The following IGFBP5 variants were observed in gnomAD, a reference collection of about 807,000 sequenced individuals.
IGFBP5 encodes the protein insulin-like growth factor-binding protein 5.
IGFBP5 carries 12 observed loss-of-function variants against 28.0 expected under a neutral mutation model. That is an observed-to-expected ratio of 0.43 (90% CI 0.27 to 0.69). The LOEUF (loss-of-function observed/expected upper bound fraction) is 0.69. IGFBP5 is among the 30% of genes least tolerant of loss of function. IGFBP5 has a pLI of 0.20. For missense variants in IGFBP5, 344 were observed against 381.6 expected (o/e 0.90, Z 0.82); for synonymous variants, 152 against 150.2 (o/e 1.01, Z -0.09).
intron 1 of IGFBP5, among the ~76,000 whole-genome samples, chr2:216,686,412 A>C (rs2106222681): frequency 6.6e-6 from 1 of 152,258 alleles, no homozygotes; most frequent in African/African-American, 2.4e-5. Context: ...TAGCTCAGTA[A>C]ACCTTGATGC....
At chr2:216,678,607 G>A (rs1215597524) in intron 2 of IGFBP5, among the ~76,000 whole-genome samples, 7 of 152,154 alleles carry the variant, frequency 4.6e-5, no homozygotes, top group Admixed American at 1.3e-4. Flanking sequence ...GTACGTGGCC[G>A]CTGGGCTGGC....
At chr2:216,681,938 A>T (rs1688981878) in intron 1 of IGFBP5, among the ~76,000 whole-genome samples, 1 of 152,168 alleles carries the variant, frequency 6.6e-6, no homozygotes, top group Non-Finnish European at 1.5e-5. Context: ...ATTTATTTTG[A>T]CCTCTCTTAC....
Position 216,694,563 on chromosome 2 carries a change from G to C in IGFBP5, c.213C>G (p.Thr71=). Residue 71 remains threonine (T), a synonymous_variant, in exon 1 of 4, where the codon ACC becomes ACG. Coordinates refer to ENST00000233813, the MANE Select transcript of IGFBP5 (RefSeq NM_000599.4). The surrounding 1 kb of genome is among the most constrained non-coding windows in gnomAD (Gnocchi z 5.2). ...LAEGQSCGVY[T]ERCAQGLRCL... ...AGCGCAGCCCCTGGGCGCAGCGCTCGGTGTAGACGCCGCACGACTGCCCCT... is the reference window on the plus strand; with the variant it reads ...AGCGCAGCCCCTGGGCGCAGCGCTCCGTGTAGACGCCGCACGACTGCCCCT... 2 of 1,563,404 alleles carry C rather than the reference G, an allele frequency of 1.3e-6. No individual in the cohort carries two copies. Among genetic ancestry groups the C allele is most frequent in the Non-Finnish European group, 8.6e-7 (1 of 1,156,922 alleles).
intron 1 of IGFBP5, among the ~76,000 whole-genome samples, chr2:216,690,557 C>T (rs11575139): frequency 0.011 from 1,628 of 152,262 alleles, 24 homozygotes; most frequent in African/African-American, 0.037. Context: ...TGCTCCCATG[C>T]CCTTTGCTGT....
chr2:216,684,816 T>C (rs1689016734), intron 1 of IGFBP5, among the ~76,000 whole-genome samples: 1 of 152,230 alleles, frequency 6.6e-6, no homozygotes, highest in African/African-American at 2.4e-5. Context: ...AGCTGGGGCT[T>C]AGAGCCCAGT....
chr2:216,678,056 TGGCAGGTGCC>T, intron 3 of IGFBP5, 46 bp downstream of exon 3: 1 of 1,365,388 alleles, frequency 7.3e-7, no homozygotes, highest in Non-Finnish European at 9.6e-7. Flanking sequence ...TGGAGTTTCC[TGGCAGGTGCC>T]ATTTTTGGAG....
In IGFBP5 at chr2:216,692,820, A is replaced by G. The variant is rs994103102; in HGVS notation, c.337+1619T>C. ...GAGATCGACTACCTCTTGCAAAGCT[A>G]GAGGGGCTGGCCCCTGCGCCACTCA... On this transcript the variant is annotated intron_variant, in intron 1 of 3. Coordinates refer to ENST00000233813, the MANE Select transcript of IGFBP5 (RefSeq NM_000599.4). This position sits in a 1 kb window ranked among gnomAD's most constrained non-coding sequence, Gnocchi z 4.2. 6.6e-6 allele frequency among the ~76,000 whole-genome samples: 1 copy of G among 152,080 alleles called. No homozygotes were observed. Among genetic ancestry groups the G allele is most frequent in the African/African-American group, 2.4e-5 (1 of 41,420 alleles).
chr2:216,676,532 G>T lies in IGFBP5; in HGVS notation c.*219C>A, dbSNP rs6413497. The T allele has an allele frequency of 1.2e-5, 4 of 345,522 alleles. No individual in the cohort carries two copies. The highest frequency in any genetic ancestry group is 6.3e-5 in the East Asian group (1 of 15,760). The allele number at this position is 345,522 out of a possible 1,614,324, so 21.4% of individuals were successfully genotyped here. On this transcript the variant is annotated 3_prime_UTR_variant, in exon 4 of 4. Coordinates refer to ENST00000233813, the MANE Select transcript of IGFBP5 (RefSeq NM_000599.4). ...CCTCAAAAAGAAAACCATTTAAAGG[G>T]GGGGGGTGTCTTTTTAGCTTTTTGC...
Position 216,679,360 on chromosome 2 carries a change from G to C in IGFBP5, c.338-281C>G. On this transcript the variant is annotated intron_variant, in intron 1 of 3. Transcript: ENST00000233813. The surrounding 1 kb of genome is among the most constrained non-coding windows in gnomAD (Gnocchi z 4.6). ...AATCGAGAGACTGACAGACTGATGG[G>C]TGAGGACGGAGCAGGCCTTCTGGGG... The C allele has an allele frequency of 2.0e-6, 1 of 507,674 alleles. No homozygotes were observed. Among genetic ancestry groups the C allele is most frequent in the Non-Finnish European group, 3.6e-6 (1 of 276,576 alleles). The allele number at this position is 507,674 out of a possible 1,614,324, so 31.4% of individuals were successfully genotyped here.
Position 216,694,670 on chromosome 2 carries a change from A to G in IGFBP5, c.106T>C (p.Ser36Pro). ...CCCAGGGGGCTGGGGGGGCACATGG[A>G]GAGGGCTTTCTCGTCGCAGGGCTCG... ...HCEPCDEKAL[S>P]MCPPSPLGCE... Residue 36 changes from serine (S) to proline (P), a missense_variant, in exon 1 of 4, where the codon TCC becomes CCC. Transcript: ENST00000233813. The surrounding 1 kb of genome is among the most constrained non-coding windows in gnomAD (Gnocchi z 5.2). 6.6e-7 allele frequency: 1 copy of G among 1,526,552 alleles called. No homozygotes were observed. The highest frequency in any genetic ancestry group is 8.8e-7 in the Non-Finnish European group (1 of 1,140,500). The allele number at this position is 1,526,552 out of a possible 1,614,324, so 94.6% of individuals were successfully genotyped here.
Position 216,676,558 on chromosome 2 carries a change from A to G in IGFBP5, c.*193T>C. On this transcript the variant is annotated 3_prime_UTR_variant, in exon 4 of 4. Coordinates refer to ENST00000233813, the MANE Select transcript of IGFBP5 (RefSeq NM_000599.4). ...GGGGGGTGTCTTTTTAGCTTTTTGC[A>G]TCTCTGTTGTTGCCATTTTCGAAGT... 7.2e-6 allele frequency: 3 copies of G among 414,578 alleles called. No homozygotes were observed. Among genetic ancestry groups the G allele is most frequent in the Non-Finnish European group, 4.3e-6 (1 of 230,710 alleles). 25.7% of individuals were successfully genotyped at this position (414,578 alleles called of 1,614,324 possible). A position where few individuals can be genotyped will look rare whatever the true frequency, so the allele number is the denominator to read the frequency against.
intron 3 of IGFBP5, among the ~76,000 whole-genome samples, chr2:216,677,109 T>C (rs773713774): frequency 3.5e-5 from 5 of 144,216 alleles, no homozygotes; most frequent in Middle Eastern, 3.6e-3. Context: ...CTTTCTTTCC[T>C]TTTTTTTTTT....
In IGFBP5 at chr2:216,676,824, A is replaced by G. The variant is rs1461039422; in HGVS notation, c.746T>C (p.Met249Thr). Residue 249 changes from methionine (M) to threonine (T), a missense_variant, in exon 4 of 4, where the codon ATG becomes ACG. Transcript: ENST00000233813. ...GICWCVDKYG[M>T]KLPGMEYVDG... ...AACGTACTCCATGCCTGGCAGCTTC[A>G]TCCCGTACTTGTCCACGCACCAGCA... 1 of 1,614,010 alleles carries G rather than the reference A, an allele frequency of 6.2e-7. No individual in the cohort carries two copies. The highest frequency in any genetic ancestry group is 1.3e-5 in the African/African-American group (1 of 75,004).
intron 1 of IGFBP5, among the ~76,000 whole-genome samples, chr2:216,685,840 T>C (rs1419770759): frequency 6.6e-6 from 1 of 152,232 alleles, no homozygotes; most frequent in East Asian, 1.9e-4. Context: ...GACCAGCAGC[T>C]GCCTGGCGCC....
intron 1 of IGFBP5, among the ~76,000 whole-genome samples, chr2:216,687,456 G>A (rs1553551383): frequency 6.6e-6 from 1 of 152,154 alleles, no homozygotes; most frequent in Non-Finnish European, 1.5e-5. Context: ...AGGGACCAGA[G>A]GTAAAGAGAG....
In IGFBP5 at chr2:216,679,047, TGGTGGG is replaced by T; in HGVS notation, c.364_369del (p.Pro122_Thr123del). On this transcript the variant is annotated inframe_deletion, in exon 2 of 4. Transcript: ENST00000233813. The surrounding 1 kb of genome is among the most constrained non-coding windows in gnomAD (Gnocchi z 4.6). ...TAGGTCTCCTCGGCCATCTCAGAGG[TGGTGGG>T]CTCCTCGTGCTCACGGGAGTCTCTC... The T allele has an allele frequency of 6.2e-7, 1 of 1,613,940 alleles. No homozygotes were observed. The highest frequency in any genetic ancestry group is 8.5e-7 in the Non-Finnish European group (1 of 1,179,978).
rs1027800252 is a variant in IGFBP5, at chr2:216,678,740, G to A, written c.567+110C>T. The stretch of plus-strand genomic sequence containing the variant: ...CCTAAGCTGAGCCACATGGTGGGCT[G>A]TAGGTCCTCTGCTGGGTCTAGTCTA... On this transcript the variant is annotated intron_variant, in intron 2 of 3. Transcript: ENST00000233813. 3.1e-5 allele frequency: 27 copies of A among 865,816 alleles called. No homozygotes were observed. In the African/African-American group the frequency reaches 4.1e-4, roughly 13 times the overall value. 53.6% of individuals were successfully genotyped at this position (865,816 alleles called of 1,614,324 possible).
At position 216,694,514 on chromosome 2, in the gene IGFBP5, TCTC is replaced by T. The variant is rs1689143423; in HGVS notation, c.259_261del (p.Glu87del). On this transcript the variant is annotated inframe_deletion, in exon 1 of 4. Coordinates refer to ENST00000233813, the MANE Select transcript of IGFBP5 (RefSeq NM_000599.4). The surrounding 1 kb of genome is among the most constrained non-coding windows in gnomAD (Gnocchi z 5.2). Reference sequence around the variant, plus strand: ...CCGTGCAGCAGGGCGTGCAGCGGCTTCTCCTCGTCCTGCCGGGGGAGGCAGCGC... The same window carrying T: ...CCGTGCAGCAGGGCGTGCAGCGGCTTCTCGTCCTGCCGGGGGAGGCAGCGC... The T allele has an allele frequency of 3.1e-6, 5 of 1,588,232 alleles. No homozygotes were observed. The highest frequency in any genetic ancestry group is 4.3e-6 in the Non-Finnish European group (5 of 1,170,492).
At chr2:216,688,588 C>G (rs1689057469) in intron 1 of IGFBP5, among the ~76,000 whole-genome samples, 2 of 152,068 alleles carry the variant, frequency 1.3e-5, no homozygotes, top group South Asian at 2.1e-4. Context: ...GCTGAGGTGA[C>G]AGAGGGGTGT....
Sources: gnomAD v4.1 joint callset for allele counts (sites outside exome capture counted in the v4.1 genomes callset) on GRCh38, gnomAD v4.1.1 for gene constraint, Gnocchi (gnomAD v3.1) non-coding constraint, MANE v1.5 for transcripts, NCBI Gene and HGNC (gene_info 2026-07-23, HGNC 2026-07-21) for gene names.